Variants in EYS observed in about 807,000 individuals in gnomAD.
EYS encodes EGF-like photoreceptor maintenance factor.
A neutral mutation model predicts 282.1 loss-of-function variants in EYS; 250 were observed. The observed-to-expected ratio is 0.89, with a 90% CI of 0.80 to 0.98. The LOEUF is 0.98. Among genes scored for constraint, EYS ranks in the 50% least tolerant of loss-of-function variants. The pLI is 0.00. For missense variants in EYS, 4,016 were observed against 3,709.0 expected (o/e 1.08, Z -2.15); for synonymous variants, 1,355 against 1,282.9 (o/e 1.06, Z -1.20).
chr6:65,326,911 A>G (rs1769638141), intron 11 of EYS, among the ~76,000 whole-genome samples: 1 of 151,706 alleles, frequency 6.6e-6, no homozygotes, highest in South Asian at 2.1e-4. Context: ...ACCACAAAAT[A>G]AAATTATTTT....
chr6:64,529,220 C>G (rs1357498581), intron 26 of EYS, among the ~76,000 whole-genome samples: 2 of 152,008 alleles, frequency 1.3e-5, no homozygotes, highest in African/African-American at 4.8e-5. Context: ...ATTCAATGGC[C>G]TGGCCTCAAC....
intron 2 of EYS, among the ~76,000 whole-genome samples, chr6:65,499,456 G>T (rs1766371750): frequency 6.6e-6 from 1 of 151,936 alleles, no homozygotes; most frequent in South Asian, 2.1e-4. Context: ...GCTTGTAGTT[G>T]ATTCTACATA....
At chr6:64,608,813 T>G (rs944427673) in intron 24 of EYS, among the ~76,000 whole-genome samples, 1 of 152,158 alleles carries the variant, frequency 6.6e-6, no homozygotes, top group African/African-American at 2.4e-5. Flanking sequence ...AAAAGGGCTA[T>G]ATACTGTATT....
At chr6:64,126,974 G>T (rs1475744435) in intron 31 of EYS, among the ~76,000 whole-genome samples, 1 of 152,068 alleles carries the variant, frequency 6.6e-6, no homozygotes, top group Admixed American at 6.5e-5. Flanking sequence ...ATGGTTATGG[G>T]TTAGAGATGA....
intron 22 of EYS, among the ~76,000 whole-genome samples, chr6:64,666,638 T>C (rs1390006321): frequency 6.6e-6 from 1 of 152,222 alleles, no homozygotes; most frequent in East Asian, 1.9e-4. Flanking sequence ...CAATGTTATT[T>C]ATAACTGATA....
chr6:63,920,488 C>A (rs774113556), intron 35 of EYS, among the ~76,000 whole-genome samples: 1 of 152,192 alleles, frequency 6.6e-6, no homozygotes, highest in South Asian at 2.1e-4. Flanking sequence ...CACTGGGCTC[C>A]CACAAACAGT....
chr6:64,665,838 C>T (rs1769211249), intron 22 of EYS, among the ~76,000 whole-genome samples: 1 of 152,090 alleles, frequency 6.6e-6, no homozygotes, highest in South Asian at 2.1e-4. Context: ...TCACTCCATT[C>T]TAAAGAGAAT....
chr6:64,200,307 T>C (rs1189887504), intron 31 of EYS, among the ~76,000 whole-genome samples: 1 of 151,968 alleles, frequency 6.6e-6, no homozygotes, highest in Non-Finnish European at 1.5e-5. Flanking sequence ...CAACATAGAG[T>C]GAACTCTAAT....
At chr6:65,510,824 A>T (rs535632114) in intron 2 of EYS, among the ~76,000 whole-genome samples, 1 of 152,198 alleles carries the variant, frequency 6.6e-6, no homozygotes, top group African/African-American at 2.4e-5. Context: ...TAATTCTAAA[A>T]TAGTATTACT....
intron 12 of EYS, among the ~76,000 whole-genome samples, chr6:65,097,944 C>A (rs775797137): frequency 7.3e-5 from 11 of 150,756 alleles, no homozygotes; most frequent in Non-Finnish European, 8.9e-5. Flanking sequence ...TCATACTTAA[C>A]AAATTTTCCC....
At chr6:64,119,688 C>A (rs951239619) in intron 31 of EYS, among the ~76,000 whole-genome samples, 2 of 152,100 alleles carry the variant, frequency 1.3e-5, no homozygotes, top group African/African-American at 4.8e-5. Flanking sequence ...AGGATATAGA[C>A]AGAGATTTTA....
At chr6:64,200,140 C>T (rs1016611085) in intron 31 of EYS, among the ~76,000 whole-genome samples, 6 of 152,060 alleles carry the variant, frequency 3.9e-5, no homozygotes, top group Non-Finnish European at 8.8e-5. Flanking sequence ...ACTATAGAGG[C>T]AGTAAAAGAG....
chr6:65,387,793 A>T (rs1042826215), intron 7 of EYS, among the ~76,000 whole-genome samples: 1 of 151,922 alleles, frequency 6.6e-6, no homozygotes. Context: ...TTTTCCAGGA[A>T]ATGAACAGTT....
chr6:64,989,916 G>A (rs1771006882), intron 14 of EYS, among the ~76,000 whole-genome samples: 1 of 150,570 alleles, frequency 6.6e-6, no homozygotes, highest in Non-Finnish European at 1.5e-5. Flanking sequence ...AAGGTGTTAA[G>A]CTCTATTTAT....
chr6:64,890,609 TTACTC>T (rs1224511397), intron 18 of EYS, among the ~76,000 whole-genome samples: 2 of 152,146 alleles, frequency 1.3e-5, no homozygotes, highest in African/African-American at 4.8e-5. Context: ...TCAAATGTAT[TTACTC>T]TAATTTAAGA....
At chr6:64,385,153 C>G (rs1298404796) in intron 29 of EYS, among the ~76,000 whole-genome samples, 2 of 152,156 alleles carry the variant, frequency 1.3e-5, no homozygotes, top group South Asian at 4.1e-4. Context: ...TTCAGAGGAG[C>G]TGCATTGCCC....
chr6:64,057,461 C>T (rs1031187218), intron 33 of EYS, among the ~76,000 whole-genome samples: 12 of 150,988 alleles, frequency 7.9e-5, no homozygotes, highest in Non-Finnish European at 1.6e-4. Flanking sequence ...TCCACCTTCA[C>T]ATATAACAAT....
intron 29 of EYS, among the ~76,000 whole-genome samples, chr6:64,375,852 A>T (rs1262747209): frequency 4.6e-5 from 7 of 152,226 alleles, no homozygotes; most frequent in Admixed American, 3.9e-4. Context: ...ATAATACACA[A>T]TCTCAAACAA....
At chr6:64,385,804 T>A (rs1242108487) in intron 29 of EYS, among the ~76,000 whole-genome samples, 1 of 12,006 alleles carries the variant, frequency 8.3e-5, no homozygotes, top group African/African-American at 6.0e-4. Flanking sequence ...TTGTTAACAT[T>A]TTTTCTCCAG....
Sources: allele counts gnomAD v4.1 joint callset (sites outside exome capture counted in the v4.1 genomes callset), GRCh38; gene constraint gnomAD v4.1.1; transcripts MANE v1.5; gene names NCBI Gene and HGNC (gene_info 2026-07-23, HGNC 2026-07-21).